NUDT3: variants seen among roughly 807,000 people sequenced by gnomAD.
The protein encoded by NUDT3 is diphosphoinositol polyphosphate phosphohydrolase 1.
NUDT3 carries 9 observed loss-of-function variants against 23.6 expected under a neutral mutation model. The ratio of observed to expected loss-of-function variants is 0.38; its 90% CI spans 0.23 to 0.66. The LOEUF (loss-of-function observed/expected upper bound fraction) is 0.66, where lower values mean the gene tolerates loss of function less well. Among genes scored for constraint, NUDT3 ranks in the 30% least tolerant of loss-of-function variants. NUDT3 has a pLI of 0.52. For synonymous variants in NUDT3, 86 were observed against 82.6 expected (o/e 1.04, Z -0.22); for missense variants, 172 against 218.5 (o/e 0.79, Z 1.34).
At chr6:34,366,835 T>G (rs919199306) in intron 1 of NUDT3, among the ~76,000 whole-genome samples, 18 of 152,152 alleles carry the variant, frequency 1.2e-4, no homozygotes, top group Non-Finnish European at 1.8e-4. Context: ...GCCACTGAAC[T>G]GTACACTTTT....
chr6:34,380,902 AG>A (rs1765005829), intron 1 of NUDT3, among the ~76,000 whole-genome samples: 1 of 152,234 alleles, frequency 6.6e-6, no homozygotes, highest in Non-Finnish European at 1.5e-5. Flanking sequence ...CAAGCTGTTC[AG>A]GTCTAGCCTG....
intron 1 of NUDT3, among the ~76,000 whole-genome samples, chr6:34,357,641 A>AT: frequency 6.6e-6 from 1 of 151,984 alleles, no homozygotes; most frequent in South Asian, 2.1e-4. Flanking sequence ...AAAAAAAAAA[A>AT]TTTAATGCAT....
chr6:34,337,247 GA>G (rs1049749741), intron 2 of NUDT3, among the ~76,000 whole-genome samples: 5 of 152,006 alleles, frequency 3.3e-5, no homozygotes, highest in East Asian at 1.9e-4. Flanking sequence ...TCTGACTGCA[GA>G]AAAAAAATTA....
intron 1 of NUDT3, among the ~76,000 whole-genome samples, chr6:34,374,235 T>A (rs1001297336): frequency 1.3e-5 from 2 of 152,110 alleles, no homozygotes; most frequent in African/African-American, 4.8e-5. Context: ...AAAACTGTGT[T>A]ATCTTTGTAC....
intron 2 of NUDT3, among the ~76,000 whole-genome samples, chr6:34,326,310 T>C (rs1442689050): frequency 6.6e-6 from 1 of 152,206 alleles, no homozygotes; most frequent in Non-Finnish European, 1.5e-5. Context: ...AGTAAAATAT[T>C]CCCAAGGTTA....
intron 1 of NUDT3, among the ~76,000 whole-genome samples, chr6:34,385,087 T>C (rs569115412): frequency 1.9e-4 from 29 of 150,774 alleles, no homozygotes; most frequent in Non-Finnish European, 3.7e-4. Context: ...GATTAGCAGA[T>C]AAATATACAT....
intron 1 of NUDT3, among the ~76,000 whole-genome samples, chr6:34,384,046 A>C (rs534155154): frequency 2.0e-5 from 3 of 152,128 alleles, no homozygotes; most frequent in Non-Finnish European, 2.9e-5. Context: ...CTTTGTCATG[A>C]TTATTGCCTC....
At chr6:34,373,975 G>A (rs1018522341) in intron 1 of NUDT3, among the ~76,000 whole-genome samples, 3 of 151,932 alleles carry the variant, frequency 2.0e-5, no homozygotes, top group African/African-American at 7.3e-5. Context: ...CCAACATGGT[G>A]AAACCCTGTC....
chr6:34,297,883 C>A (rs1474128006), intron 2 of NUDT3, among the ~76,000 whole-genome samples: 1 of 148,820 alleles, frequency 6.7e-6, no homozygotes, highest in Non-Finnish European at 1.5e-5. Flanking sequence ...GTGTGAGCCA[C>A]TGCACCCGGC....
At chr6:34,309,061 C>T (rs1258676259) in intron 2 of NUDT3, among the ~76,000 whole-genome samples, 16 of 152,094 alleles carry the variant, frequency 1.1e-4, no homozygotes, top group Admixed American at 1.0e-3. Context: ...AAAATGTATG[C>T]TCTCAGACCA....
At chr6:34,361,603 G>A (rs187199655) in intron 1 of NUDT3, among the ~76,000 whole-genome samples, 1 of 152,264 alleles carries the variant, frequency 6.6e-6, no homozygotes, top group Admixed American at 6.5e-5. Flanking sequence ...ATTCATAATT[G>A]CCAAAATCTT....
chr6:34,341,887 G>A lies in NUDT3; in HGVS notation c.185C>T (p.Ala62Val). 6.2e-7 allele frequency: 1 copy of A among 1,614,016 alleles called. No individual in the cohort carries two copies. The highest frequency in any genetic ancestry group is 8.5e-7 in the Non-Finnish European group (1 of 1,179,946). ...GMEPEEEPSV[A>V]AVREVCEEAG... ...CTCCTCACAGACTTCACGAACTGCT[G>A]CCACACTTGGCTCCTCCTCGGGCTC... The change falls in exon 2 of 5, where the codon GCA (alanine) becomes GTA (valine). Residue 62 changes from alanine (A) to valine (V), a missense_variant. Around this residue, in one of 3 missense-constraint regions of NUDT3, gnomAD observed 59 missense variants for 107.4 expected, o/e 0.55. Coordinates refer to ENST00000607016, the MANE Select transcript of NUDT3 (RefSeq NM_006703.4).
chr6:34,302,877 C>A (rs1049506092), intron 2 of NUDT3, among the ~76,000 whole-genome samples: 1 of 152,204 alleles, frequency 6.6e-6, no homozygotes, highest in Non-Finnish European at 1.5e-5. Context: ...TCTAGAGACT[C>A]CAGAATAGAG....
At chr6:34,383,932 G>A (rs758768752) in intron 1 of NUDT3, among the ~76,000 whole-genome samples, 14 of 152,152 alleles carry the variant, frequency 9.2e-5, no homozygotes, top group Admixed American at 3.3e-4. Flanking sequence ...CAGTCATGAC[G>A]GGATCAATGA....
chr6:34,370,210 C>G (rs1561921361), intron 1 of NUDT3, among the ~76,000 whole-genome samples: 1 of 152,304 alleles, frequency 6.6e-6, no homozygotes, highest in East Asian at 1.9e-4. Context: ...CTCCACTATG[C>G]TCTATGAATC....
chr6:34,297,808 G>A (rs1331169947), intron 2 of NUDT3, among the ~76,000 whole-genome samples: 1 of 135,706 alleles, frequency 7.4e-6, no homozygotes, highest in African/African-American at 2.8e-5. Context: ...TATTGGCCAG[G>A]CTGGTCTTGA....
At chr6:34,333,852 C>G (rs1294350545) in intron 2 of NUDT3, among the ~76,000 whole-genome samples, 1 of 152,238 alleles carries the variant, frequency 6.6e-6, no homozygotes, top group Non-Finnish European at 1.5e-5. Flanking sequence ...AAGGGGCATA[C>G]TACATGAAGT....
chr6:34,344,793 A>G (rs1764339196), intron 1 of NUDT3, among the ~76,000 whole-genome samples: 1 of 151,162 alleles, frequency 6.6e-6, no homozygotes, highest in African/African-American at 2.4e-5. Context: ...CTGGGACTAC[A>G]GGCACCTGTC....
chr6:34,352,940 A>G (rs1764499596), intron 1 of NUDT3, among the ~76,000 whole-genome samples: 1 of 152,210 alleles, frequency 6.6e-6, no homozygotes, highest in East Asian at 1.9e-4. Flanking sequence ...CTAAACTGAT[A>G]GAGGTATATG....
Sources: allele counts gnomAD v4.1 joint callset (sites outside exome capture counted in the v4.1 genomes callset), GRCh38; gene constraint gnomAD v4.1.1; regional missense constraint gnomAD v4.1.1; transcripts MANE v1.5; gene names NCBI Gene and HGNC (gene_info 2026-07-23, HGNC 2026-07-21).